Variants in DLGAP2 observed in about 807,000 individuals in gnomAD.
DLGAP2 encodes the protein DLG associated protein 2, also known as disks large-associated protein 2.
Under a neutral mutation model 100.3 loss-of-function variants are expected in DLGAP2, and 26 were observed. The ratio of observed to expected loss-of-function variants is 0.26; its 90% CI spans 0.19 to 0.36. DLGAP2 has a LOEUF of 0.36. Among genes scored for constraint, DLGAP2 ranks in the 10% least tolerant of loss-of-function variants. DLGAP2 has a pLI of 1.00. For missense variants in DLGAP2, 1,858 were observed against 1,453.2 expected (o/e 1.28, Z -4.53); for synonymous variants, 886 against 630.1 (o/e 1.41, Z -6.08).
At chr8:1,024,120 G>T (rs928466753) in intron 2 of DLGAP2, among the ~76,000 whole-genome samples, 1 of 151,934 alleles carries the variant, frequency 6.6e-6, no homozygotes, top group African/African-American at 2.4e-5. Context: ...ATCCCCAGTG[G>T]AGGAGTGGAC....
intron 1 of DLGAP2, among the ~76,000 whole-genome samples, chr8:893,538 C>G (rs1168602755): frequency 6.6e-6 from 1 of 152,228 alleles, no homozygotes; most frequent in African/African-American, 2.4e-5. Flanking sequence ...GGGTTAGAGC[C>G]CAGTCCTGCG....
At chr8:1,516,535 GTGAGTGCATGAATGAGTGAGTGAA>G (rs1800395072) in intron 4 of DLGAP2, among the ~76,000 whole-genome samples, 1 of 146,652 alleles carries the variant, frequency 6.8e-6, no homozygotes, top group Non-Finnish European at 1.5e-5. Context: ...CAGTGAGTGA[GTGAGTGCATGAATGAGTGAGTGAA>G]TGAGGGAGGG....
rs191231867 is a variant in DLGAP2 at position 1,033,950 on chromosome 8, C to A, written c.73+125984C>A. ...ATGTGTCACCGCGAGTGGACTCACA[C>A]GCTCATCCCGACCCCGCGTGTCACC... On this transcript the variant is annotated intron_variant, in intron 2 of 14. Transcript: ENST00000637795. Among the ~76,000 whole-genome samples, 3 of 85,072 alleles carry A rather than the reference C, an allele frequency of 3.5e-5. 1 individual carries two copies. The highest frequency in any genetic ancestry group is 8.0e-5 in the Non-Finnish European group (3 of 37,430). 55.8% of individuals were successfully genotyped at this position (85,072 alleles called of 152,430 possible).
At chr8:1,264,983 C>T (rs1228345668) in intron 3 of DLGAP2, among the ~76,000 whole-genome samples, 1 of 152,200 alleles carries the variant, frequency 6.6e-6, no homozygotes, top group African/African-American at 2.4e-5. Flanking sequence ...GCCGTTGCTC[C>T]TCCTTTGCCT....
At chr8:906,526 G>A (rs1286434062) in intron 1 of DLGAP2, among the ~76,000 whole-genome samples, 1 of 152,204 alleles carries the variant, frequency 6.6e-6, no homozygotes, top group Non-Finnish European at 1.5e-5. Context: ...GTCAAACCCC[G>A]GGAGTTGAGT....
At chr8:1,682,079 C>A (rs989743478) in intron 12 of DLGAP2, among the ~76,000 whole-genome samples, 3 of 152,224 alleles carry the variant, frequency 2.0e-5, no homozygotes, top group Non-Finnish European at 4.4e-5. Context: ...TGCTTCCATG[C>A]TGGATGTGCA....
chr8:1,121,227 G>A (rs533601694), intron 2 of DLGAP2, among the ~76,000 whole-genome samples: 4 of 116,194 alleles, frequency 3.4e-5, no homozygotes, highest in African/African-American at 1.4e-4. Context: ...TCCTTGTCCA[G>A]TTAGAACCCA....
At chr8:1,554,203 G>C (rs1376499368) in intron 5 of DLGAP2, among the ~76,000 whole-genome samples, 1 of 152,194 alleles carries the variant, frequency 6.6e-6, no homozygotes, top group African/African-American at 2.4e-5. Flanking sequence ...GCTGAGAATT[G>C]GTTGAACGTG....
At chr8:758,492 C>A (rs144042569) in intron 1 of DLGAP2, among the ~76,000 whole-genome samples, 1 of 152,174 alleles carries the variant, frequency 6.6e-6, no homozygotes, top group South Asian at 2.1e-4. Flanking sequence ...AAAGCAAGAG[C>A]GTCTTGCTCC....
intron 3 of DLGAP2, among the ~76,000 whole-genome samples, chr8:1,266,564 A>G (rs1473214960): frequency 1.3e-5 from 2 of 152,200 alleles, no homozygotes; most frequent in African/African-American, 4.8e-5. Context: ...GATAAATTCC[A>G]CATTCATAAT....
chr8:1,027,409 T>G (rs1363903905), intron 2 of DLGAP2, among the ~76,000 whole-genome samples: 3 of 149,974 alleles, frequency 2.0e-5, no homozygotes, highest in African/African-American at 7.4e-5. Context: ...CCAGGTGGGG[T>G]GCTCGGTGCC....
At chr8:1,135,819 T>G (rs753829561) in intron 2 of DLGAP2, among the ~76,000 whole-genome samples, 6 of 152,180 alleles carry the variant, frequency 3.9e-5, no homozygotes, top group Non-Finnish European at 5.9e-5. Context: ...GAGATGTTCA[T>G]GATGACAAAA....
chr8:1,195,406 GA>G (rs1797730377), intron 2 of DLGAP2, among the ~76,000 whole-genome samples: 1 of 152,210 alleles, frequency 6.6e-6, no homozygotes, highest in Non-Finnish European at 1.5e-5. Context: ...TGTTATTAAT[GA>G]AAAACATGGT....
intron 3 of DLGAP2, among the ~76,000 whole-genome samples, chr8:1,312,044 C>T (rs1800625705): frequency 6.6e-6 from 1 of 152,122 alleles, no homozygotes; most frequent in South Asian, 2.1e-4. Flanking sequence ...TGAGTGATAC[C>T]ATCAATCAAC....
chr8:1,259,912 A>G (rs1181490196), intron 3 of DLGAP2: 1 of 152,256 alleles, frequency 6.6e-6, no homozygotes, highest in Non-Finnish European at 1.5e-5. Context: ...TGTGTCATTT[A>G]GTAGTCATGG....
At chr8:907,687 G>C (rs757946313) in intron 1 of DLGAP2, among the ~76,000 whole-genome samples, 3 of 152,188 alleles carry the variant, frequency 2.0e-5, no homozygotes, top group African/African-American at 7.2e-5. Flanking sequence ...TCCCATTCCA[G>C]AAACGGCATA....
At chr8:1,684,028 C>A (rs1165104259) in intron 12 of DLGAP2, among the ~76,000 whole-genome samples, 1 of 143,338 alleles carries the variant, frequency 7.0e-6, no homozygotes, top group Non-Finnish European at 1.5e-5. Flanking sequence ...GACACCAAGG[C>A]TGGAGCGCAG....
intron 2 of DLGAP2, among the ~76,000 whole-genome samples, chr8:978,153 G>A (rs1163439354): frequency 8.3e-5 from 11 of 132,188 alleles, no homozygotes; most frequent in Admixed American, 1.6e-4. Flanking sequence ...TGGGGAGGGC[G>A]TCGGGGATGC....
At chr8:1,022,397 A>C (rs1336177177) in intron 2 of DLGAP2, among the ~76,000 whole-genome samples, 26 of 56,376 alleles carry the variant, frequency 4.6e-4, no homozygotes, top group Non-Finnish European at 7.6e-4. Flanking sequence ...GTCCCGTGCC[A>C]AGGTAGACGC....
Sources: gnomAD v4.1 joint callset for allele counts (sites outside exome capture counted in the v4.1 genomes callset) on GRCh38, gnomAD v4.1.1 for gene constraint, MANE v1.5 for transcripts, NCBI Gene and HGNC (gene_info 2026-07-23, HGNC 2026-07-21) for gene names.